DTD1: variants seen among roughly 807,000 people sequenced by gnomAD.
The protein encoded by DTD1 is D-aminoacyl-tRNA deacylase 1.
DTD1 carries 13 observed loss-of-function variants against 25.6 expected under a neutral mutation model. The observed-to-expected ratio is 0.51, with a 90% CI of 0.33 to 0.81. DTD1 has a LOEUF of 0.81. DTD1 is among the 30% of genes least tolerant of loss of function. DTD1 has a pLI of 0.02. For missense variants in DTD1, 193 were observed against 266.4 expected, an observed-to-expected ratio of 0.72 and a Z score of 1.92; for synonymous variants, 110 against 103.6, an observed-to-expected ratio of 1.06 and a Z score of -0.37.
intron 3 of DTD1, among the ~76,000 whole-genome samples, chr20:18,626,854 G>A (rs142663152): frequency 1.0e-3 from 157 of 152,326 alleles, no homozygotes; most frequent in African/African-American, 3.4e-3. Flanking sequence ...GAAATTCAAG[G>A]TCGGAAATAA....
chr20:18,703,330 C>G (rs2122462443), intron 4 of DTD1, among the ~76,000 whole-genome samples: 1 of 152,254 alleles, frequency 6.6e-6, no homozygotes, highest in Non-Finnish European at 1.5e-5. Flanking sequence ...CTGTCTTGAT[C>G]TTGGTGTCCT....
intron 4 of DTD1, among the ~76,000 whole-genome samples, chr20:18,722,162 C>T (rs1318809215): frequency 6.6e-6 from 1 of 152,242 alleles, no homozygotes; most frequent in Non-Finnish European, 1.5e-5. Context: ...CCCCACTCTC[C>T]TCTAGCTATG....
intron 4 of DTD1, among the ~76,000 whole-genome samples, chr20:18,646,747 C>G (rs750470865): frequency 3.9e-5 from 6 of 152,204 alleles, no homozygotes; most frequent in Non-Finnish European, 8.8e-5. Context: ...TTGGCTGTCT[C>G]TGTTGACAGT....
At chr20:18,663,285 T>G (rs1361677660) in intron 4 of DTD1, among the ~76,000 whole-genome samples, 1 of 151,840 alleles carries the variant, frequency 6.6e-6, no homozygotes, top group Admixed American at 6.6e-5. Context: ...TTTGGGAGGC[T>G]GAGATGGAAG....
At chr20:18,589,698 A>G (rs1372607372) in intron 1 of DTD1, among the ~76,000 whole-genome samples, 2 of 152,218 alleles carry the variant, frequency 1.3e-5, no homozygotes, top group Non-Finnish European at 2.9e-5. Context: ...CGTCACTGAC[A>G]GATTTAAATT....
At chr20:18,598,816 G>A (rs1256608224) in intron 3 of DTD1, among the ~76,000 whole-genome samples, 1 of 151,428 alleles carries the variant, frequency 6.6e-6, no homozygotes, top group Non-Finnish European at 1.5e-5. Flanking sequence ...GCCAGTAATG[G>A]TAATTTTTAG....
At chr20:18,735,843 C>A (rs904590922) in intron 4 of DTD1, among the ~76,000 whole-genome samples, 5 of 152,054 alleles carry the variant, frequency 3.3e-5, no homozygotes, top group Non-Finnish European at 7.4e-5. Flanking sequence ...ACACCATCAC[C>A]ATCTCACTCT....
intron 2 of DTD1, among the ~76,000 whole-genome samples, chr20:18,595,219 T>C (rs888090590): frequency 2.0e-5 from 3 of 152,214 alleles, no homozygotes; most frequent in African/African-American, 7.2e-5. Flanking sequence ...TTTTTGCATA[T>C]TTGCAATAAC....
At position 18,749,947 on chromosome 20, in the gene DTD1, C is replaced by G. The variant is rs1382237878; in HGVS notation, c.*19+5676C>G. On this transcript the variant is annotated intron_variant, in intron 5 of 5. Transcript: ENST00000377452. This position sits in a 1 kb window ranked among gnomAD's most constrained non-coding sequence, Gnocchi z 4.2. Reference sequence around the variant, plus strand: ...GGTACTGTCTGGGTTTTGGACAAAGCGCACAAGGAAAACCATTTATTGATG... The same window carrying G: ...GGTACTGTCTGGGTTTTGGACAAAGGGCACAAGGAAAACCATTTATTGATG... Among the ~76,000 whole-genome samples the G allele has an allele frequency of 6.6e-6, 1 of 152,180 alleles. No individual in the cohort carries two copies. The highest frequency in any genetic ancestry group is 6.5e-5 in the Admixed American group (1 of 15,276).
chr20:18,741,575 G>A lies in DTD1; in HGVS notation c.478-2525G>A, dbSNP rs540957922. Among the ~76,000 whole-genome samples the A allele has an allele frequency of 5.9e-5, 9 of 152,172 alleles. No individual in the cohort carries two copies. In the South Asian group the frequency reaches 1.0e-3, roughly 18 times the overall value. ...TGTTAACTAGTGTATTGAAGTTGGC[G>A]TGTATTCTTCCAGGCCATACTGTAT... On this transcript the variant is annotated intron_variant, in intron 4 of 5. Transcript: ENST00000377452.
At chr20:18,748,516 G>C (rs571360798) in intron 5 of DTD1, among the ~76,000 whole-genome samples, 46 of 152,130 alleles carry the variant, frequency 3.0e-4, no homozygotes, top group Non-Finnish European at 6.0e-4. Flanking sequence ...GTGGCCCCTG[G>C]GTAGCCTGGG....
At chr20:18,743,735 T>C (rs1264908785) in intron 4 of DTD1, among the ~76,000 whole-genome samples, 1 of 151,148 alleles carries the variant, frequency 6.6e-6, no homozygotes, top group African/African-American at 2.4e-5. Context: ...GAAGGTAACT[T>C]GATGAGAAAA....
intron 4 of DTD1, among the ~76,000 whole-genome samples, chr20:18,686,866 G>C (rs1250235029): frequency 1.3e-5 from 2 of 152,168 alleles, no homozygotes; most frequent in African/African-American, 4.8e-5. Context: ...TTGGGGAAGA[G>C]ATTTTATGAG....
chr20:18,665,060 A>C (rs537163729), intron 4 of DTD1, among the ~76,000 whole-genome samples: 1 of 152,318 alleles, frequency 6.6e-6, no homozygotes, highest in South Asian at 2.1e-4. Context: ...ATCTCGGACC[A>C]TTTTATAATG....
intron 4 of DTD1, among the ~76,000 whole-genome samples, chr20:18,737,060 C>A (rs2061258383): frequency 6.6e-6 from 1 of 152,194 alleles, no homozygotes; most frequent in African/African-American, 2.4e-5. Context: ...GTTGCCTCAA[C>A]TCCTCTGCCA....
intron 4 of DTD1, among the ~76,000 whole-genome samples, chr20:18,704,705 G>A (rs2061119196): frequency 6.6e-6 from 1 of 152,148 alleles, no homozygotes; most frequent in Non-Finnish European, 1.5e-5. Flanking sequence ...AGTGGGTAGA[G>A]GCCAGGGTTG....
At chr20:18,734,937 G>A (rs1384874235) in intron 4 of DTD1, among the ~76,000 whole-genome samples, 2 of 152,220 alleles carry the variant, frequency 1.3e-5, no homozygotes, top group African/African-American at 2.4e-5. Flanking sequence ...GGCTGGGCAC[G>A]TCCTCTGCAC....
intron 4 of DTD1, among the ~76,000 whole-genome samples, chr20:18,731,780 T>C (rs973650350): frequency 1.3e-5 from 2 of 152,252 alleles, no homozygotes; most frequent in Non-Finnish European, 2.9e-5. Context: ...GTAACTGTTA[T>C]GCACCACAAA....
intron 3 of DTD1, among the ~76,000 whole-genome samples, chr20:18,620,968 T>A (rs576742083): frequency 6.6e-6 from 1 of 152,234 alleles, no homozygotes; most frequent in African/African-American, 2.4e-5. Context: ...CCAACTTCTA[T>A]TGATAACATT....
Sources: allele counts gnomAD v4.1 joint callset (sites outside exome capture counted in the v4.1 genomes callset), GRCh38; gene constraint gnomAD v4.1.1; non-coding constraint Gnocchi (gnomAD v3.1); transcripts MANE v1.5; gene names NCBI Gene and HGNC (gene_info 2026-07-23, HGNC 2026-07-21).